FAM217B: variants seen among roughly 807,000 people sequenced by gnomAD.
FAM217B encodes family with sequence similarity 217 member B.
For synonymous variants in FAM217B, 163 were observed against 173.0 expected (o/e 0.94, Z 0.45); for missense variants, 463 against 456.9 (o/e 1.01, Z -0.12).
At chr20:59,939,273 A>G (rs2060882844), upstream of FAM217B, 1 of 1,612,154 alleles carries the variant, frequency 6.2e-7, no homozygotes, top group Non-Finnish European at 8.5e-7. Flanking sequence ...CCACCGCGCC[A>G]CCGCCTCGTG....
chr20:59,944,999 A>T lies in FAM217B; in HGVS notation c.1056A>T (p.Lys352Asn). 1 of 1,614,184 alleles carries T rather than the reference A, an allele frequency of 6.2e-7. No homozygotes were observed. Among genetic ancestry groups the T allele is most frequent in the East Asian group, 2.2e-5 (1 of 44,872 alleles). Residue 352 changes from lysine to asparagine, a missense_variant, in exon 4 of 4, where the codon AAA becomes AAT. Physicochemically the swap from Lys to Asn is moderately conservative, Grantham distance 94. Coordinates refer to ENST00000360816, the MANE Select transcript of FAM217B (RefSeq NM_022106.3). ...CACAAGCACATGCACATCCTAGGAAAAAGGGAAAGGCAGAGAGCTGTGGTC... is the reference window on the plus strand; with the variant it reads ...CACAAGCACATGCACATCCTAGGAATAAGGGAAAGGCAGAGAGCTGTGGTC... ...SKTQAHAHPR[K>N]KGKAESCGHA...
chr20:59,944,715 C>T lies in FAM217B; in HGVS notation c.772C>T (p.His258Tyr). Reference sequence around the variant, plus strand: ...GAAAGCTTTTCACCATGAAGAAATCCACCCATCACATTATGCATTTGAGAC... The same window carrying T: ...GAAAGCTTTTCACCATGAAGAAATCTACCCATCACATTATGCATTTGAGAC... ...RKKAFHHEEI[H>Y]PSHYAFETSP... The change falls in exon 4 of 4, where the codon CAC (histidine) becomes TAC (tyrosine). Residue 258 changes from histidine (H) to tyrosine (Y), a missense_variant. Physicochemically the swap from His to Tyr is moderately conservative, Grantham distance 83. Coordinates refer to ENST00000360816, the MANE Select transcript of FAM217B (RefSeq NM_022106.3). 1 of 1,614,186 alleles carries T rather than the reference C, an allele frequency of 6.2e-7. No homozygotes were observed. Among genetic ancestry groups the T allele is most frequent in the Non-Finnish European group, 8.5e-7 (1 of 1,180,036 alleles).
chr20:59,934,193 G>T (rs954001792), intron 1 of FAM217B, among the ~76,000 whole-genome samples: 1 of 152,178 alleles, frequency 6.6e-6, no homozygotes, highest in African/African-American at 2.4e-5. Context: ...GGGCCGCCTG[G>T]GCTCCTGGGT....
upstream of FAM217B, chr20:59,939,250 C>T (rs1243694842): frequency 3.7e-6 from 6 of 1,611,846 alleles, no homozygotes; most frequent in Admixed American, 6.7e-5. Context: ...CCCTCGGGGC[C>T]TGCGGGCCCG....
chr20:59,934,213 G>A (rs1381503101), intron 1 of FAM217B, among the ~76,000 whole-genome samples: 5 of 152,218 alleles, frequency 3.3e-5, no homozygotes, highest in Non-Finnish European at 5.9e-5. Context: ...TGCGGGTGCC[G>A]GAGGGCGGGA....
upstream of FAM217B, among the ~76,000 whole-genome samples, chr20:59,935,847 T>C (rs534513168): frequency 6.6e-6 from 1 of 152,236 alleles, no homozygotes; most frequent in Non-Finnish European, 1.5e-5. Context: ...TTTGCAATAT[T>C]CTATATGTCA....
At chr20:59,939,173 C>T (rs981941800), upstream of FAM217B, 3 of 1,609,690 alleles carry the variant, frequency 1.9e-6, no homozygotes, top group African/African-American at 1.3e-5. Context: ...CCGCGAAGTG[C>T]ACGCGGGAGC....
chr20:59,938,874 C>CA (rs892048660), upstream of FAM217B: 10 of 623,702 alleles, frequency 1.6e-5, no homozygotes, highest in Admixed American at 3.5e-4. Flanking sequence ...AAGTAGAAGA[C>CA]AGGATGGGCC....
chr20:59,935,702 G>A (rs2060858726), upstream of FAM217B, among the ~76,000 whole-genome samples: 1 of 152,342 alleles, frequency 6.6e-6, no homozygotes, highest in South Asian at 2.1e-4. Context: ...GAGCCCAGGA[G>A]CTGGAGGCTG....
intron 1 of FAM217B, among the ~76,000 whole-genome samples, chr20:59,934,491 CTG>C (rs1569002508): frequency 6.6e-6 from 1 of 152,172 alleles, no homozygotes; most frequent in Non-Finnish European, 1.5e-5. Context: ...TCCACGTGCA[CTG>C]AGATGCAGCT....
chr20:59,944,035 C>G lies in FAM217B; in HGVS notation c.92C>G (p.Ser31Cys), dbSNP rs1204849635. The G allele has an allele frequency of 2.5e-6, 4 of 1,614,134 alleles. No individual in the cohort carries two copies. The highest frequency in any genetic ancestry group is 3.4e-6 in the Non-Finnish European group (4 of 1,180,026). Residue 31 changes from serine (S) to cysteine (C), a missense_variant, in exon 4 of 4, where the codon TCC becomes TGC. Coordinates refer to ENST00000360816, the MANE Select transcript of FAM217B (RefSeq NM_022106.3). ...QSKSQVPHAS[S>C]QPRSSLTAVT... is the part of the protein sequence containing the mutation. The stretch of plus-strand genomic sequence containing the variant: ...AAATCCCAAGTACCCCACGCTTCTT[C>G]CCAGCCGAGAAGCAGCCTCACAGCT...
At chr20:59,943,255 G>A (rs1181379538) in intron 3 of FAM217B, among the ~76,000 whole-genome samples, 1 of 152,136 alleles carries the variant, frequency 6.6e-6, no homozygotes, top group African/African-American at 2.4e-5. Flanking sequence ...TATTCACAAG[G>A]TAACACTAAG....
At chr20:59,939,696 G>A (rs1233828514), upstream of FAM217B, 37 of 1,409,270 alleles carry the variant, frequency 2.6e-5, 1 homozygote, top group Middle Eastern at 4.7e-4. Context: ...GCGGCGCTCG[G>A]GGGAGCTGGG....
At chr20:59,939,655 A>G (rs1175853590), upstream of FAM217B, 2 of 1,516,930 alleles carry the variant, frequency 1.3e-6, no homozygotes, top group Non-Finnish European at 1.8e-6. Context: ...CCCGGCCGAC[A>G]CGCAGCGCCC....
intron 3 of FAM217B, 85 bp from the exon 4 acceptor site, chr20:59,943,855 C>A: frequency 1.7e-6 from 2 of 1,170,604 alleles, no homozygotes; most frequent in South Asian, 1.6e-5. Flanking sequence ...AAAAGTACAA[C>A]TAGAAGATTC....
intron 1 of FAM217B, among the ~76,000 whole-genome samples, chr20:59,940,904 C>A (rs976006991): frequency 1.3e-5 from 2 of 152,194 alleles, no homozygotes; most frequent in African/African-American, 4.8e-5. Context: ...TTCCTGGACT[C>A]CGCGCCAGAG....
In FAM217B at chr20:59,945,380, C is replaced by T. The variant is rs1464478966; in HGVS notation, c.*285C>T. ...ATAAAGGAATAAAATGGCACCTCTC[C>T]AGGGAAAGTGTCAGTGAAACCTCAG... On this transcript the variant is annotated 3_prime_UTR_variant, in exon 4 of 4. Coordinates refer to ENST00000360816, the MANE Select transcript of FAM217B (RefSeq NM_022106.3). 2 of 292,414 alleles carry T rather than the reference C, an allele frequency of 6.8e-6. No individual in the cohort carries two copies. Among genetic ancestry groups the T allele is most frequent in the South Asian group, 4.5e-5 (1 of 22,386 alleles). 18.1% of individuals were successfully genotyped at this position (292,414 alleles called of 1,614,324 possible).
In FAM217B at chr20:59,944,574, G is replaced by A. The variant is rs1257179885; in HGVS notation, c.631G>A (p.Ala211Thr). The A allele has an allele frequency of 1.9e-6, 3 of 1,613,888 alleles. No individual in the cohort carries two copies. The highest frequency in any genetic ancestry group is 1.3e-5 in the African/African-American group (1 of 74,874). The change falls in exon 4 of 4, where the codon GCC becomes ACC. Residue 211 changes from alanine to threonine, a missense_variant. Transcript: ENST00000360816. Reference protein sequence around the residue: ...AKGGKARPPTAPGTSGALKSP... With the variant: ...AKGGKARPPTTPGTSGALKSP... ...GGGGGGCAAAGCAAGGCCCCCCACT[G>A]CCCCTGGGACCTCAGGGGCACTGAA...
intron 1 of FAM217B, among the ~76,000 whole-genome samples, chr20:59,941,222 C>T (rs1290964089): frequency 2.0e-5 from 3 of 152,140 alleles, no homozygotes; most frequent in African/African-American, 7.2e-5. Flanking sequence ...TGGGGCCAGC[C>T]ATTCCATTAA....
Sources: allele counts gnomAD v4.1 joint callset (sites outside exome capture counted in the v4.1 genomes callset), GRCh38; gene constraint gnomAD v4.1.1; transcripts MANE v1.5; gene names NCBI Gene and HGNC (gene_info 2026-07-23, HGNC 2026-07-21).